The following MRPS6 variants were observed in gnomAD, a reference collection of about 807,000 sequenced individuals.
MRPS6 encodes the protein small ribosomal subunit protein bS6m.
A neutral mutation model predicts 13.1 loss-of-function variants in MRPS6; 6 were observed. That is an observed-to-expected ratio of 0.46 (90% CI 0.25 to 0.91). The LOEUF (loss-of-function observed/expected upper bound fraction) is 0.91. Ranked by LOEUF, MRPS6 falls within the 40% of genes least tolerant of loss-of-function variation. The pLI, the probability that MRPS6 is intolerant of heterozygous loss-of-function variation, is 0.18. For missense variants in MRPS6, 164 were observed against 155.6 expected, an observed-to-expected ratio of 1.05 and a Z score of -0.29; for synonymous variants, 61 against 56.5, an observed-to-expected ratio of 1.08 and a Z score of -0.36.
chr21:34,114,927 C>A (rs956962134), intron 1 of MRPS6, among the ~76,000 whole-genome samples: 1 of 152,254 alleles, frequency 6.6e-6, no homozygotes, highest in African/African-American at 2.4e-5. Flanking sequence ...CGCTCATAGC[C>A]TTTTGATTCC....
At chr21:34,138,082 A>G (rs1980770370) in intron 2 of MRPS6, among the ~76,000 whole-genome samples, 1 of 151,498 alleles carries the variant, frequency 6.6e-6, no homozygotes, top group Non-Finnish European at 1.5e-5. Flanking sequence ...GTTTGGGTAT[A>G]GGGTAATGCT....
chr21:34,142,118 C>T (rs1980927449), intron 2 of MRPS6, among the ~76,000 whole-genome samples: 1 of 152,208 alleles, frequency 6.6e-6, no homozygotes, highest in African/African-American at 2.4e-5. Flanking sequence ...GTACTTCACA[C>T]CATCTGTAAT....
chr21:34,105,488 G>A, intron 1 of MRPS6: 1 of 999,820 alleles, frequency 1.0e-6, no homozygotes, highest in Non-Finnish European at 1.2e-6. Context: ...ATTTTGATAT[G>A]TAAGTATTAA....
intron 1 of MRPS6, among the ~76,000 whole-genome samples, chr21:34,121,568 A>G (rs1980123001): frequency 6.6e-6 from 1 of 151,394 alleles, no homozygotes; most frequent in African/African-American, 2.4e-5. Flanking sequence ...TCATTGATGC[A>G]TTTGGTAGGT....
chr21:34,091,242 T>A (rs1362914146), intron 1 of MRPS6, among the ~76,000 whole-genome samples: 1 of 92,792 alleles, frequency 1.1e-5, no homozygotes, highest in African/African-American at 4.5e-5. Context: ...TTTAAGATTA[T>A]TGCGTACTAC....
intron 1 of MRPS6, among the ~76,000 whole-genome samples, chr21:34,121,366 G>A (rs1016843282): frequency 5.3e-5 from 8 of 152,094 alleles, no homozygotes; most frequent in African/African-American, 1.9e-4. Context: ...AGGAAACTGA[G>A]GTACAAGTTT....
intron 2 of MRPS6, among the ~76,000 whole-genome samples, chr21:34,130,007 A>G (rs1455192037): frequency 6.6e-6 from 1 of 152,320 alleles, no homozygotes; most frequent in Admixed American, 6.5e-5. Flanking sequence ...CCTGAATGCA[A>G]CAAGGTTTAA....
At chr21:34,107,589 GC>G (rs1190837181) in intron 1 of MRPS6, among the ~76,000 whole-genome samples, 3 of 152,098 alleles carry the variant, frequency 2.0e-5, no homozygotes. Context: ...TATGAATCTT[GC>G]CTGAGTTGTT....
chr21:34,108,082 A>G (rs932978859), intron 1 of MRPS6, among the ~76,000 whole-genome samples: 2 of 152,180 alleles, frequency 1.3e-5, no homozygotes, highest in African/African-American at 4.8e-5. Flanking sequence ...TCTGTAGCCT[A>G]GTGATCTTGT....
intron 2 of MRPS6, among the ~76,000 whole-genome samples, chr21:34,141,981 A>G (rs1021655675): frequency 6.6e-6 from 1 of 152,216 alleles, no homozygotes; most frequent in Non-Finnish European, 1.5e-5. Context: ...GTTAGTTCAC[A>G]GGGAAAATCC....
intron 2 of MRPS6, among the ~76,000 whole-genome samples, chr21:34,131,566 T>C (rs375390901): frequency 6.6e-6 from 1 of 152,276 alleles, no homozygotes; most frequent in East Asian, 1.9e-4. Flanking sequence ...CTAACTCCCA[T>C]TTTTGTAGGT....
chr21:34,101,518 A>G (rs1455116659), intron 1 of MRPS6: 2 of 1,000,156 alleles, frequency 2.0e-6, no homozygotes, highest in African/African-American at 1.7e-5. Context: ...ATCTGTTTCT[A>G]TATGTGTATA....
At chr21:34,091,429 G>A (rs1978686790) in intron 1 of MRPS6, among the ~76,000 whole-genome samples, 5 of 152,036 alleles carry the variant, frequency 3.3e-5, no homozygotes, top group Admixed American at 2.6e-4. Flanking sequence ...TAAGTTTCTG[G>A]TTTGGAAGAT....
At chr21:34,077,076 C>CT (rs1989350144) in intron 1 of MRPS6, among the ~76,000 whole-genome samples, 1 of 152,152 alleles carries the variant, frequency 6.6e-6, no homozygotes, top group African/African-American at 2.4e-5. Flanking sequence ...GCAATGAGAA[C>CT]TTTGAGGTAG....
At chr21:34,106,089 T>C (rs543331053) in intron 1 of MRPS6, 1 of 999,394 alleles carries the variant, frequency 1.0e-6, no homozygotes, top group African/African-American at 1.7e-5. Context: ...CTGTGTGTTA[T>C]TTTGCCAGCT....
intron 1 of MRPS6, chr21:34,099,209 A>C: frequency 1.0e-6 from 1 of 1,000,000 alleles, no homozygotes; most frequent in South Asian, 4.7e-5. Context: ...TCTCAATTTT[A>C]TTCTTGAGGT....
At chr21:34,141,464 G>A (rs1288870883) in intron 2 of MRPS6, among the ~76,000 whole-genome samples, 2 of 152,138 alleles carry the variant, frequency 1.3e-5, no homozygotes, top group Admixed American at 6.5e-5. Context: ...GAAGTTGGGC[G>A]GAGAACATTT....
intron 1 of MRPS6, among the ~76,000 whole-genome samples, chr21:34,092,816 C>T (rs1420386150): frequency 6.6e-6 from 1 of 152,156 alleles, no homozygotes; most frequent in Admixed American, 6.6e-5. Context: ...TTTTCTCTCC[C>T]TTCTTTGGAA....
chr21:34,076,056 T>G (rs2148650766), intron 1 of MRPS6, among the ~76,000 whole-genome samples: 1 of 152,316 alleles, frequency 6.6e-6, no homozygotes, highest in East Asian at 1.9e-4. Flanking sequence ...CTTTACCCCT[T>G]TAATATGATG....
Sources: allele counts gnomAD v4.1 joint callset (sites outside exome capture counted in the v4.1 genomes callset), GRCh38; gene constraint gnomAD v4.1.1; transcripts MANE v1.5; gene names NCBI Gene and HGNC (gene_info 2026-07-23, HGNC 2026-07-21).